TOP1MT: variants seen among roughly 807,000 people sequenced by gnomAD.
TOP1MT encodes DNA topoisomerase I mitochondrial, also known as DNA topoisomerase I, mitochondrial.
Under a neutral mutation model 73.9 loss-of-function variants are expected in TOP1MT, and 80 were observed. The observed-to-expected ratio is 1.08, with a 90% CI of 0.90 to 1.30. The LOEUF is 1.30. TOP1MT is among the 50% of genes most tolerant of loss of function. The pLI is 0.00. For missense variants in TOP1MT, 815 were observed against 808.0 expected, an observed-to-expected ratio of 1.01 and a Z score of -0.10; for synonymous variants, 338 against 326.4, an observed-to-expected ratio of 1.04 and a Z score of -0.38.
At position 143,318,906 on chromosome 8, in the gene TOP1MT, T is replaced by C. The variant is rs559998074; in HGVS notation, c.1147-820A>G. Among the ~76,000 whole-genome samples the C allele has an allele frequency of 3.3e-5, 5 of 152,368 alleles. No homozygotes were observed. The South Asian group carries it at 8.3e-4, about 25-fold the overall frequency. On this transcript the variant is annotated intron_variant, in intron 8 of 13. Transcript: ENST00000329245. The stretch of plus-strand genomic sequence containing the variant: ...ACGTTTGGTTTCACACCGCTGATCT[T>C]GACGAGGCTTTATGTCCCGCCTTTT...
chr8:143,321,319 A>C lies in TOP1MT; in HGVS notation c.1028T>G (p.Leu343Arg). 1 of 1,608,326 alleles carries C rather than the reference A, an allele frequency of 6.2e-7. No homozygotes were observed. Among genetic ancestry groups the C allele is most frequent in the Admixed American group, 1.7e-5 (1 of 59,830 alleles). The change falls in exon 8 of 14, where the codon CTC becomes CGC. Residue 343 changes from leucine to arginine, a missense_variant. By Grantham distance (102) the Leu-to-Arg change is moderately radical (BLOSUM62 -2). Transcript: ENST00000329245. Reference protein sequence around the residue: ...EAADTVGCCSLRVEHVQLHPE... With the variant: ...EAADTVGCCSRRVEHVQLHPE... ...GTGCAGCTGGACGTGCTCCACGCGG[A>C]GGGAACAGCAGCCCACGGTGTCGGC...
chr8:143,336,028 G>C (rs539606789), upstream of TOP1MT, among the ~76,000 whole-genome samples: 1 of 152,244 alleles, frequency 6.6e-6, no homozygotes, highest in African/African-American at 2.4e-5. Context: ...CCCAGGGGCT[G>C]CGGAACAGTG....
chr8:143,332,951 G>A (rs980973017), intron 1 of TOP1MT, among the ~76,000 whole-genome samples: 8 of 152,188 alleles, frequency 5.3e-5, no homozygotes, highest in Admixed American at 3.3e-4. Flanking sequence ...CGTCAGGTGA[G>A]ACCAGCCTCA....
intron 10 of TOP1MT, among the ~76,000 whole-genome samples, chr8:143,316,906 T>G (rs976959138): frequency 6.6e-6 from 1 of 152,160 alleles, no homozygotes; most frequent in East Asian, 1.9e-4. Context: ...CCTCCCTCAG[T>G]GGAGGGGGCG....
intron 7 of TOP1MT, among the ~76,000 whole-genome samples, chr8:143,323,233 G>GAT (rs1816576490): frequency 7.0e-5 from 2 of 28,590 alleles, no homozygotes; most frequent in Non-Finnish European, 1.3e-4. Context: ...GCCACACACA[G>GAT]GCACGCCACA....
In TOP1MT at chr8:143,318,030, G is replaced by A. The variant is rs769479514; in HGVS notation, c.1203C>T (p.Phe401=). ...MENKDPRDDL[F]DRLTTTSLNK... ...CGAGCCGGCTTACGGTCAGCCTGTCGAAGAGGTCGTCCCGGGGGTCCTTGT... is the reference window on the plus strand; with the variant it reads ...CGAGCCGGCTTACGGTCAGCCTGTCAAAGAGGTCGTCCCGGGGGTCCTTGT... The change falls in exon 9 of 14, where the codon TTC becomes TTT. Residue 401 remains phenylalanine, a synonymous_variant. Coordinates refer to ENST00000329245, the MANE Select transcript of TOP1MT (RefSeq NM_052963.3). 18 of 1,614,056 alleles carry A rather than the reference G, an allele frequency of 1.1e-5. No homozygotes were observed. Among genetic ancestry groups the A allele is most frequent in the South Asian group, 3.3e-5 (3 of 91,090 alleles).
chr8:143,322,660 ACG>A (rs1816503503), intron 7 of TOP1MT, among the ~76,000 whole-genome samples: 2 of 123,868 alleles, frequency 1.6e-5, no homozygotes, highest in Non-Finnish European at 1.6e-5. Context: ...CACACCACAC[ACG>A]CACGCCACAC....
chr8:143,314,959 T>C (rs1239463255), intron 12 of TOP1MT, among the ~76,000 whole-genome samples: 3 of 152,222 alleles, frequency 2.0e-5, no homozygotes, highest in African/African-American at 7.2e-5. Flanking sequence ...CCTTCTGTTA[T>C]GCCCAGACAG....
intron 9 of TOP1MT, 59 bp from the exon 10 acceptor site, chr8:143,317,896 G>T: frequency 6.3e-7 from 1 of 1,595,344 alleles, no homozygotes; most frequent in Non-Finnish European, 8.6e-7. Context: ...CCAGCCTCCC[G>T]CGGGAAGGAA....
Position 143,326,260 on chromosome 8 carries a change from C to T in TOP1MT, c.445G>A (p.Ala149Thr). ...CTGCTCAGGACTTTCCGGGCTGCGGCCTTGTCCACAAAGTATCTGTGGATC... is the reference window on the plus strand; with the variant it reads ...CTGCTCAGGACTTTCCGGGCTGCGGTCTTGTCCACAAAGTATCTGTGGATC... ...TEIHRYFVDK[A>T]AARKVLSREE... The change falls in exon 4 of 14, where the codon GCC (alanine) becomes ACC (threonine). Residue 149 changes from alanine to threonine, a missense_variant. Ala to Thr is a moderately conservative substitution (Grantham distance 58). Around this residue, in one of 3 missense-constraint regions of TOP1MT, gnomAD observed 751 missense variants for 725.4 expected, o/e 1.04. Transcript: ENST00000329245. 1 of 1,614,030 alleles carries T rather than the reference C, an allele frequency of 6.2e-7. No individual in the cohort carries two copies. Among genetic ancestry groups the T allele is most frequent in the Middle Eastern group, 1.6e-4 (1 of 6,062 alleles).
intron 10 of TOP1MT, among the ~76,000 whole-genome samples, chr8:143,316,733 A>T (rs1031075555): frequency 2.6e-5 from 4 of 152,182 alleles, no homozygotes; most frequent in African/African-American, 9.7e-5. Flanking sequence ...AGGTTCAGAG[A>T]ACGTAAGCAC....
chr8:143,336,349 T>C (rs992536963), upstream of TOP1MT, among the ~76,000 whole-genome samples: 1 of 152,062 alleles, frequency 6.6e-6, no homozygotes, highest in East Asian at 1.9e-4. Context: ...GATTTCTCAA[T>C]AGATGCAGAA....
At position 143,331,121 on chromosome 8, in the gene TOP1MT, G is replaced by A. The variant is rs1563766231; in HGVS notation, c.238+103C>T. ...AGAGGGCACAGAGCGCTCATAGCCA[G>A]AAGCCTGCAGGGGGGCTGAGGGAGC... On this transcript the variant is annotated intron_variant, in intron 2 of 13. Transcript: ENST00000329245. 15 of 890,554 alleles carry A rather than the reference G, an allele frequency of 1.7e-5. 1 individual carries two copies. The East Asian group carries it at 3.0e-4, about 18-fold the overall frequency. 55.2% of individuals were successfully genotyped at this position (890,554 alleles called of 1,614,324 possible).
At position 143,343,824 on chromosome 8, in the gene TOP1MT, C is replaced by T. The variant is rs566837743; in HGVS notation, c.-38-538G>A. On this transcript the variant is annotated intron_variant, in intron 1 of 5. Coordinates refer to the TOP1MT transcript ENST00000518007. Reference sequence around the variant, plus strand: ...TCAGAGGCGCCATCCCTGGGAACCCCGAGGAGGTTATGGGGGCACCAGGCA... The same window carrying T: ...TCAGAGGCGCCATCCCTGGGAACCCTGAGGAGGTTATGGGGGCACCAGGCA... The T allele has an allele frequency of 2.0e-3, 318 of 155,124 alleles. 3 individuals are homozygous for T. Among genetic ancestry groups the T allele is most frequent in the African/African-American group, 7.2e-3 (298 of 41,586 alleles). The allele number at this position is 155,124 out of a possible 1,614,324, so 9.6% of individuals were successfully genotyped here. A position where few individuals can be genotyped will look rare whatever the true frequency, so the allele number is the denominator to read the frequency against.
In TOP1MT at chr8:143,334,704, C is replaced by G; in HGVS notation, c.122+36G>C. 1.9e-6 allele frequency: 3 copies of G among 1,597,142 alleles called. No homozygotes were observed. In the South Asian group the frequency reaches 3.3e-5, roughly 18 times the overall value. ...TCTGGACCTACCCAAGCCCGGTGCT[C>G]AGGGCCCTCGCCGCCTGCTCACTGG... On this transcript the variant is annotated intron_variant, in intron 1 of 13. Transcript: ENST00000329245.
chr8:143,343,174 T>C (rs2450781), intron 2 of TOP1MT: 24,375 of 456,190 alleles, frequency 0.053, 4,813 homozygotes, highest in African/African-American at 0.43. Context: ...GGAAGTTGCT[T>C]ATCAGAATCA....
At chr8:143,330,460 C>CAGT (rs139283185) in intron 2 of TOP1MT, among the ~76,000 whole-genome samples, 1,623 of 152,344 alleles carry the variant, frequency 0.011, 27 homozygotes, top group African/African-American at 0.037. Flanking sequence ...GTGGAAGCTC[C>CAGT]AGTACCGCTT....
At chr8:143,352,404 T>G (rs1817333961) in intron 1 of TOP1MT, among the ~76,000 whole-genome samples, 1 of 152,068 alleles carries the variant, frequency 6.6e-6, no homozygotes, top group Non-Finnish European at 1.5e-5. Flanking sequence ...GGCAACTGAT[T>G]TCAACAAGGA....
chr8:143,320,916 C>A (rs1247124569), intron 8 of TOP1MT, among the ~76,000 whole-genome samples: 1 of 152,230 alleles, frequency 6.6e-6, no homozygotes, highest in Non-Finnish European at 1.5e-5. Flanking sequence ...GTGCCTTCCT[C>A]CAGCAGCCCT....
Sources: allele counts gnomAD v4.1 joint callset (sites outside exome capture counted in the v4.1 genomes callset), GRCh38; gene constraint gnomAD v4.1.1; regional missense constraint gnomAD v4.1.1; transcripts MANE v1.5; gene names NCBI Gene and HGNC (gene_info 2026-07-23, HGNC 2026-07-21).